STARD13: variants seen among roughly 807,000 people sequenced by gnomAD.
STARD13 encodes the protein StAR related lipid transfer domain containing 13.
In STARD13, 62 loss-of-function variants were observed where a neutral mutation model predicts 106.4. The ratio of observed to expected loss-of-function variants is 0.58; its 90% CI spans 0.48 to 0.72. The LOEUF (loss-of-function observed/expected upper bound fraction) is 0.72. Ranked by LOEUF, STARD13 falls within the 30% of genes least tolerant of loss-of-function variation. The pLI is 0.00. For synonymous variants in STARD13, 565 were observed against 553.0 expected (o/e 1.02, Z -0.31); for missense variants, 1,387 against 1,424.0 (o/e 0.97, Z 0.42).
At chr13:33,542,003 G>A in the STARD13 span, among the ~76,000 whole-genome samples, 1 of 152,026 alleles carries the variant, frequency 6.6e-6, no homozygotes, top group Admixed American at 6.5e-5. Context: ...AAAAGACCAA[G>A]GCCACACCAG....
At chr13:33,349,204 T>A in exon 2 of STARD13, 1 of 702,348 alleles carries the variant, frequency 1.4e-6, no homozygotes, top group Non-Finnish European at 2.6e-6. Flanking sequence ...ACTGCCCAGC[T>A]CAAGAGATAG....
At chr13:33,543,171 T>G in the STARD13 span, among the ~76,000 whole-genome samples, 1 of 152,230 alleles carries the variant, frequency 6.6e-6, no homozygotes, top group Non-Finnish European at 1.5e-5. Context: ...CTTTGAGGAC[T>G]GGGACCCTGT....
intron 1 of STARD13, among the ~76,000 whole-genome samples, chr13:33,233,127 G>C (rs1285576261): frequency 6.6e-6 from 1 of 152,218 alleles, no homozygotes; most frequent in Admixed American, 6.5e-5. Context: ...CAGGTACTGG[G>C]TGAAACCCCA....
the STARD13 span, among the ~76,000 whole-genome samples, chr13:33,674,412 C>T: frequency 6.6e-6 from 1 of 152,302 alleles, no homozygotes; most frequent in South Asian, 2.1e-4. Flanking sequence ...ACTATTAGCT[C>T]TACAGACAAA....
At chr13:33,241,688 G>GC (rs1889512438) in intron 1 of STARD13, among the ~76,000 whole-genome samples, 2 of 152,008 alleles carry the variant, frequency 1.3e-5, no homozygotes, top group Non-Finnish European at 2.9e-5. Flanking sequence ...TTGCAGGCGC[G>GC]CGCCGCCACG....
chr13:33,189,366 G>A (rs978646794), intron 1 of STARD13, among the ~76,000 whole-genome samples: 25 of 138,012 alleles, frequency 1.8e-4, no homozygotes, highest in Admixed American at 4.1e-4. Flanking sequence ...AGAAGCAGGA[G>A]GGCAGGAAGG....
At chr13:33,664,838 C>G in the STARD13 span, among the ~76,000 whole-genome samples, 3 of 152,106 alleles carry the variant, frequency 2.0e-5, no homozygotes, top group African/African-American at 7.2e-5. Context: ...ACGTTAGCCA[C>G]TATGGTCTCG....
At chr13:33,661,319 T>C in the STARD13 span, 1 of 152,168 alleles carries the variant, frequency 6.6e-6, no homozygotes, top group African/African-American at 2.4e-5. Context: ...CAGACTTCGG[T>C]AGTTTACCGT....
chr13:33,366,453 C>A, the STARD13 span, among the ~76,000 whole-genome samples: 1 of 152,180 alleles, frequency 6.6e-6, no homozygotes, highest in East Asian at 1.9e-4. The surrounding 1 kb of genome is among the most constrained non-coding windows in gnomAD (Gnocchi z 4.2). Context: ...GAAATAACTT[C>A]ATCTTCCTGT....
intron 3 of STARD13, among the ~76,000 whole-genome samples, chr13:33,154,152 AGGGAGGGTGTCG>A (rs1197393414): frequency 6.6e-6 from 1 of 152,212 alleles, no homozygotes; most frequent in African/African-American, 2.4e-5. Flanking sequence ...GGCCATCCAC[AGGGAGGGTGTCG>A]GGCGCACTGG....
chr13:33,652,944 A>G, the STARD13 span, among the ~76,000 whole-genome samples: 1 of 152,202 alleles, frequency 6.6e-6, no homozygotes, highest in African/African-American at 2.4e-5. Flanking sequence ...AAAAGAAGAA[A>G]ATACTTAGGA....
At chr13:33,653,083 T>C in the STARD13 span, among the ~76,000 whole-genome samples, 1 of 152,094 alleles carries the variant, frequency 6.6e-6, no homozygotes, top group East Asian at 1.9e-4. Flanking sequence ...CTTAATATTG[T>C]TAAGATAGCC....
rs564486233 is a variant in STARD13 at position 33,208,517 on chromosome 13, G to C, written c.170-40895C>G. On this transcript the variant is annotated intron_variant, in intron 1 of 13. Coordinates refer to ENST00000336934, the MANE Select transcript of STARD13 (RefSeq NM_178006.4). ...ATATATGGGATGGCCTTGGATGCTG[G>C]GAGAGGGTATGGGGAGTTCATACCA... is the stretch of plus-strand genomic sequence containing the variant. Among the ~76,000 whole-genome samples the C allele has an allele frequency of 8.1e-4, 124 of 152,258 alleles. No homozygotes were observed. The Middle Eastern group carries it at 0.01, about 13-fold the overall frequency.
the STARD13 span, among the ~76,000 whole-genome samples, chr13:33,371,272 T>TA: frequency 6.6e-6 from 1 of 152,216 alleles, no homozygotes; most frequent in Non-Finnish European, 1.5e-5. Flanking sequence ...TTAGACACTA[T>TA]GTCCTTTCTG....
the STARD13 span, among the ~76,000 whole-genome samples, chr13:33,490,050 T>A: frequency 4.6e-5 from 7 of 152,234 alleles, no homozygotes; most frequent in African/African-American, 7.2e-5. Flanking sequence ...AAATTTTTTT[T>A]AAACTTTCAC....
At chr13:33,486,755 C>A in the STARD13 span, among the ~76,000 whole-genome samples, 3 of 152,314 alleles carry the variant, frequency 2.0e-5, no homozygotes, top group African/African-American at 7.2e-5. Context: ...AGCTCTTGCA[C>A]TTGAACACTG....
chr13:33,324,780 A>G (rs1166568525), intron 1 of STARD13, among the ~76,000 whole-genome samples: 3 of 152,214 alleles, frequency 2.0e-5, no homozygotes, highest in African/African-American at 4.8e-5. Context: ...TTCATCATCT[A>G]TAAAAAGACT....
the STARD13 span, among the ~76,000 whole-genome samples, chr13:33,390,451 A>G: frequency 6.6e-6 from 1 of 152,202 alleles, no homozygotes; most frequent in African/African-American, 2.4e-5. Context: ...CAAGAGCACC[A>G]GCTCTATCTT....
intron 7 of STARD13, among the ~76,000 whole-genome samples, chr13:33,122,010 T>C (rs1876403761): frequency 6.6e-6 from 1 of 152,212 alleles, no homozygotes; most frequent in Non-Finnish European, 1.5e-5. Flanking sequence ...CATGCCCAGC[T>C]AACTTTTGTA....
Sources: allele counts gnomAD v4.1 joint callset (sites outside exome capture counted in the v4.1 genomes callset), GRCh38; gene constraint gnomAD v4.1.1; non-coding constraint Gnocchi (gnomAD v3.1); transcripts MANE v1.5; gene names NCBI Gene and HGNC (gene_info 2026-07-23, HGNC 2026-07-21).